The following ZSCAN30 variants were observed in gnomAD, a reference collection of about 807,000 sequenced individuals.
ZSCAN30 encodes the protein zinc finger and SCAN domain containing 30, also known as zinc finger and SCAN domain-containing protein 30.
In ZSCAN30, 37 loss-of-function variants were observed where a neutral mutation model predicts 44.3. The observed-to-expected ratio is 0.84, with a 90% confidence interval of 0.64 to 1.10. The LOEUF (loss-of-function observed/expected upper bound fraction) is 1.10, where lower values mean the gene tolerates loss of function less well. Among genes scored for constraint, ZSCAN30 ranks in the 50% least tolerant of loss-of-function variants. ZSCAN30 has a pLI of 0.00. For missense variants in ZSCAN30, 549 were observed against 582.6 expected, an observed-to-expected ratio of 0.94 and a Z score of 0.59; for synonymous variants, 181 against 204.6, an observed-to-expected ratio of 0.88 and a Z score of 0.98.
At chr18:35,276,448 A>G (rs1266381253) in intron 1 of ZSCAN30, among the ~76,000 whole-genome samples, 1 of 152,118 alleles carries the variant, frequency 6.6e-6, no homozygotes, top group African/African-American at 2.4e-5. Flanking sequence ...GGAGGAAAAA[A>G]TGGTTTTGTG....
chr18:35,263,386 T>C (rs2044070719), intron 3 of ZSCAN30, 127 bp downstream of exon 3: 1 of 1,171,950 alleles, frequency 8.5e-7, no homozygotes, highest in East Asian at 2.4e-5. Flanking sequence ...AGAATATTTC[T>C]AGGCAAAGAA....
intron 3 of ZSCAN30, chr18:35,258,674 A>T (rs900165121): frequency 6.6e-6 from 1 of 152,062 alleles, no homozygotes; most frequent in African/African-American, 2.4e-5. Context: ...GTTTGAGAAC[A>T]GCCTGGCCAA....
intron 1 of ZSCAN30, among the ~76,000 whole-genome samples, chr18:35,272,374 G>T (rs1380538168): frequency 1.0e-4 from 14 of 135,652 alleles, no homozygotes; most frequent in African/African-American, 3.8e-4. Flanking sequence ...TTTAGATGGA[G>T]TCTCGCTCTG....
At chr18:35,268,945 A>G (rs1176794609) in intron 1 of ZSCAN30, 1 of 152,266 alleles carries the variant, frequency 6.6e-6, no homozygotes, top group Non-Finnish European at 1.5e-5. Flanking sequence ...ATGAGACCAG[A>G]TGGGCTGGTG....
Position 35,264,437 on chromosome 18 carries a change from C to T in ZSCAN30, c.-85G>A. The T allele has an allele frequency of 7.1e-7, 1 of 1,413,818 alleles. No individual in the cohort carries two copies. Among genetic ancestry groups the T allele is most frequent in the Non-Finnish European group, 9.6e-7 (1 of 1,042,462 alleles). The allele number at this position is 1,413,818 out of a possible 1,614,324, so 87.6% of individuals were successfully genotyped here. ...GCGTCTGAGAGATTCCTTCTGAATT[C>T]CAACTCCCCAGGACGCTCCTGAGGG... is the stretch of plus-strand genomic sequence containing the variant. On this transcript the variant is annotated 5_prime_UTR_variant, in exon 2 of 4. Transcript: ENST00000333206.
intron 3 of ZSCAN30, 107 bp from the exon 4 acceptor site, chr18:35,254,488 G>A: frequency 1.3e-6 from 2 of 1,564,808 alleles, no homozygotes; most frequent in Non-Finnish European, 1.7e-6. Flanking sequence ...TTATTAGGAG[G>A]ACAGTTCTCA....
At chr18:35,273,540 A>G (rs1246323703) in intron 1 of ZSCAN30, among the ~76,000 whole-genome samples, 3 of 152,214 alleles carry the variant, frequency 2.0e-5, no homozygotes, top group Admixed American at 1.3e-4. Context: ...ATTTTTGTAT[A>G]TGGTGTAAGG....
intron 1 of ZSCAN30, among the ~76,000 whole-genome samples, chr18:35,275,973 T>C (rs2044360056): frequency 1.3e-5 from 2 of 152,248 alleles, no homozygotes; most frequent in Admixed American, 1.3e-4. Context: ...TTGGTTGATT[T>C]TTAAACTGAT....
At chr18:35,272,732 C>T (rs1226502482) in intron 1 of ZSCAN30, among the ~76,000 whole-genome samples, 2 of 152,148 alleles carry the variant, frequency 1.3e-5, no homozygotes, top group Admixed American at 6.5e-5. Flanking sequence ...TGTATTAGTC[C>T]GTTTTCACGC....
At chr18:35,287,012 C>T (rs2044564581) in intron 1 of ZSCAN30, among the ~76,000 whole-genome samples, 1 of 152,020 alleles carries the variant, frequency 6.6e-6, no homozygotes, top group African/African-American at 2.4e-5. Flanking sequence ...TTGTATTTCT[C>T]TATTATATTA....
At chr18:35,273,071 A>T (rs2044311223) in intron 1 of ZSCAN30, among the ~76,000 whole-genome samples, 1 of 152,228 alleles carries the variant, frequency 6.6e-6, no homozygotes, top group Non-Finnish European at 1.5e-5. Flanking sequence ...ACACAGAGCC[A>T]AACCGTATCA....
intron 1 of ZSCAN30, among the ~76,000 whole-genome samples, chr18:35,279,220 G>A (rs1569082510): frequency 6.6e-6 from 1 of 152,214 alleles, no homozygotes; most frequent in Non-Finnish European, 1.5e-5. Context: ...ATAGTCTGGA[G>A]GTTAGAAGTA....
intron 1 of ZSCAN30, among the ~76,000 whole-genome samples, chr18:35,275,714 A>G (rs1371262564): frequency 6.6e-6 from 1 of 152,086 alleles, no homozygotes; most frequent in Non-Finnish European, 1.5e-5. Flanking sequence ...TATCTTTCCT[A>G]TCTTAAAAAT....
rs1598593380 is a variant in ZSCAN30, at chr18:35,251,541, A to C, written c.*1909T>G. The C allele has an allele frequency of 1.3e-5, 2 of 151,930 alleles. No individual in the cohort carries two copies. Among genetic ancestry groups the C allele is most frequent in the Non-Finnish European group, 2.9e-5 (2 of 67,986 alleles). 9.4% of individuals were successfully genotyped at this position (151,930 alleles called of 1,614,324 possible). On this transcript the variant is annotated 3_prime_UTR_variant, in exon 4 of 4. Coordinates refer to ENST00000333206, the MANE Select transcript of ZSCAN30 (RefSeq NM_001112734.4). Reference sequence around the variant, plus strand: ...GGTTTGGCTCTTGTGTCCCCACCCAAATCTCCAATAGTAATCCCCAGGTGT... The same window carrying C: ...GGTTTGGCTCTTGTGTCCCCACCCACATCTCCAATAGTAATCCCCAGGTGT...
intron 3 of ZSCAN30, among the ~76,000 whole-genome samples, chr18:35,259,916 T>TA (rs774533060): frequency 2.6e-5 from 4 of 152,252 alleles, no homozygotes; most frequent in African/African-American, 9.6e-5. Context: ...GCAGGTTTGT[T>TA]ACGTAGGTAA....
chr18:35,251,171 T>C lies in ZSCAN30; in HGVS notation c.*2279A>G, dbSNP rs2043579082. ...CCAAAAATCATTTACTAAACAGTAGTTTTACTAAAAATACTAGGATTGGGA... is the reference window on the plus strand; with the variant it reads ...CCAAAAATCATTTACTAAACAGTAGCTTTACTAAAAATACTAGGATTGGGA... On this transcript the variant is annotated 3_prime_UTR_variant, in exon 4 of 4. Transcript: ENST00000333206. 6.6e-6 allele frequency: 1 copy of C among 152,150 alleles called. No homozygotes were observed. Among genetic ancestry groups the C allele is most frequent in the African/African-American group, 2.4e-5 (1 of 41,430 alleles). The allele number at this position is 152,150 out of a possible 1,614,324, so 9.4% of individuals were successfully genotyped here. A position where few individuals can be genotyped will look rare whatever the true frequency, so the allele number is the denominator to read the frequency against.
At chr18:35,270,185 C>T (rs1192944399) in intron 1 of ZSCAN30, 1 of 152,076 alleles carries the variant, frequency 6.6e-6, no homozygotes, top group Non-Finnish European at 1.5e-5. Context: ...CTAATTTTGA[C>T]AAATATGTCA....
intron 3 of ZSCAN30, 149 bp downstream of exon 3, chr18:35,263,364 A>G: frequency 3.2e-6 from 3 of 936,264 alleles, no homozygotes; most frequent in Non-Finnish European, 4.7e-6. Flanking sequence ...GATTCTAGGC[A>G]GAGCCTAAGG....
chr18:35,255,840 C>T (rs1300173461), intron 3 of ZSCAN30: 1 of 154,258 alleles, frequency 6.5e-6, no homozygotes, highest in Non-Finnish European at 1.5e-5. Context: ...TTCATTGTTT[C>T]ATTCAAAAAG....
Sources: gnomAD v4.1 joint callset for allele counts (sites outside exome capture counted in the v4.1 genomes callset) on GRCh38, gnomAD v4.1.1 for gene constraint, MANE v1.5 for transcripts, NCBI Gene and HGNC (gene_info 2026-07-23, HGNC 2026-07-21) for gene names.